Variants in TRABD2B observed in about 807,000 individuals in gnomAD.
TRABD2B encodes the protein TraB domain containing 2B.
In TRABD2B, 14 loss-of-function variants were observed where a neutral mutation model predicts 40.1. The observed-to-expected ratio is 0.35, with a 90% confidence interval of 0.23 to 0.55. The LOEUF (loss-of-function observed/expected upper bound fraction) is 0.55. Ranked by LOEUF, TRABD2B falls within the 20% of genes least tolerant of loss-of-function variation. TRABD2B has a pLI of 0.90. For synonymous variants in TRABD2B, 263 were observed against 277.0 expected, an observed-to-expected ratio of 0.95 and a Z score of 0.50; for missense variants, 541 against 648.6, an observed-to-expected ratio of 0.83 and a Z score of 1.80.
At chr1:47,823,349 G>C (rs1404143983) in intron 2 of TRABD2B, among the ~76,000 whole-genome samples, 1 of 152,264 alleles carries the variant, frequency 6.6e-6, no homozygotes, top group Non-Finnish European at 1.5e-5. Context: ...GTTCGTGCCT[G>C]GGTCACTGAC....
intron 2 of TRABD2B, among the ~76,000 whole-genome samples, chr1:47,851,989 T>C (rs1645555870): frequency 6.6e-6 from 1 of 152,166 alleles, no homozygotes; most frequent in Non-Finnish European, 1.5e-5. Context: ...CAAATGTCTA[T>C]GAAATGACAA....
Position 47,859,561 on chromosome 1 carries a change from C to T in TRABD2B, c.667-57942G>A, listed in dbSNP as rs192460269. Among the ~76,000 whole-genome samples the T allele has an allele frequency of 1.7e-3, 266 of 152,372 alleles. 1 individual carries two copies. The highest frequency in any genetic ancestry group is 6.1e-3 in the African/African-American group (252 of 41,584). On this transcript the variant is annotated intron_variant, in intron 2 of 6. Transcript: ENST00000606738. Reference sequence around the variant, plus strand: ...TTCAGAAGTCTTTCTGCAGCAGCCCCTTTCTGGCCTGACCCTGGAGTTTGG... The same window carrying T: ...TTCAGAAGTCTTTCTGCAGCAGCCCTTTTCTGGCCTGACCCTGGAGTTTGG...
chr1:47,938,067 T>A (rs1645137695), intron 2 of TRABD2B, among the ~76,000 whole-genome samples: 1 of 152,210 alleles, frequency 6.6e-6, no homozygotes, highest in South Asian at 2.1e-4. Context: ...AATTACATAT[T>A]GTAGCCACCA....
At chr1:47,936,039 G>C (rs1645102389) in intron 2 of TRABD2B, among the ~76,000 whole-genome samples, 1 of 152,194 alleles carries the variant, frequency 6.6e-6, no homozygotes, top group South Asian at 2.1e-4. Flanking sequence ...GTAAACAGAA[G>C]AACATATGGG....
In TRABD2B at chr1:47,975,436, A is replaced by G. The variant is rs116400577; in HGVS notation, c.666+18598T>C. ...TACTAGAAAACAGACGAATTCCTGA[A>G]GTCTGTTAAGCACTGTCTGGGTCAT... On this transcript the variant is annotated intron_variant, in intron 2 of 6. Coordinates refer to ENST00000606738, the MANE Select transcript of TRABD2B (RefSeq NM_001194986.2). Among the ~76,000 whole-genome samples, 247 of 152,358 alleles carry G rather than the reference A, an allele frequency of 1.6e-3. 1 individual carries two copies. Among genetic ancestry groups the G allele is most frequent in the African/African-American group, 5.4e-3 (225 of 41,580 alleles).
rs1319164979 is a variant in TRABD2B at position 47,801,620 on chromosome 1, C to T, written c.667-1G>A. On this transcript the variant is annotated splice_acceptor_variant, in intron 2 of 6. Coordinates refer to ENST00000606738, the MANE Select transcript of TRABD2B (RefSeq NM_001194986.2). LOFTEE classifies it high-confidence loss of function. ...GGGTTTGGTTCAGGGCAAACAGCAC[C>T]TGGGCCGAGGAAAGAGAGAGGAATG... 2 of 1,535,370 alleles carry T rather than the reference C, an allele frequency of 1.3e-6. No homozygotes were observed. The highest frequency in any genetic ancestry group is 2.4e-5 in the East Asian group (1 of 40,916).
intron 2 of TRABD2B, chr1:47,819,869 T>C (rs1172514918): frequency 6.7e-6 from 1 of 149,430 alleles, no homozygotes; most frequent in Non-Finnish European, 1.5e-5. Context: ...CCAGAGACAC[T>C]GGGGTAAATT....
intron 2 of TRABD2B, among the ~76,000 whole-genome samples, chr1:47,805,710 C>T (rs139020027): frequency 2.6e-5 from 4 of 152,194 alleles, no homozygotes; most frequent in Admixed American, 6.5e-5. Context: ...ACCAGGATTA[C>T]GATGTTTATT....
At chr1:47,807,085 G>A (rs535059602) in intron 2 of TRABD2B, among the ~76,000 whole-genome samples, 2 of 152,212 alleles carry the variant, frequency 1.3e-5, no homozygotes, top group African/African-American at 4.8e-5. Context: ...TGCTAGAGGG[G>A]TAAAGTGAGA....
intron 2 of TRABD2B, among the ~76,000 whole-genome samples, chr1:47,854,341 G>A (rs1207927920): frequency 6.6e-6 from 1 of 152,176 alleles, no homozygotes; most frequent in Non-Finnish European, 1.5e-5. Flanking sequence ...TGCAGCCCCT[G>A]TTCTCTTCCT....
intron 2 of TRABD2B, among the ~76,000 whole-genome samples, chr1:47,840,179 G>A (rs1177728201): frequency 6.6e-6 from 1 of 152,178 alleles, no homozygotes; most frequent in Non-Finnish European, 1.5e-5. Flanking sequence ...CTATCATGTA[G>A]GGACTGGGGA....
chr1:47,895,733 G>T (rs1173538752), intron 2 of TRABD2B, among the ~76,000 whole-genome samples: 1 of 152,244 alleles, frequency 6.6e-6, no homozygotes, highest in Non-Finnish European at 1.5e-5. Flanking sequence ...GACAGTGCCA[G>T]AAAGCCCTTG....
intron 6 of TRABD2B, among the ~76,000 whole-genome samples, chr1:47,774,438 T>A (rs1644415954): frequency 6.6e-6 from 1 of 152,122 alleles, no homozygotes; most frequent in South Asian, 2.1e-4. Context: ...ATATGGAGAC[T>A]CCTGCCAAAA....
chr1:47,979,859 T>C (rs1645815903), intron 2 of TRABD2B, among the ~76,000 whole-genome samples: 1 of 152,088 alleles, frequency 6.6e-6, no homozygotes, highest in South Asian at 2.1e-4. Flanking sequence ...CAGTCCTGAG[T>C]TCCTGTCCCA....
At chr1:47,968,371 C>T (rs1039197885) in intron 2 of TRABD2B, among the ~76,000 whole-genome samples, 1 of 152,198 alleles carries the variant, frequency 6.6e-6, no homozygotes, top group Non-Finnish European at 1.5e-5. Flanking sequence ...CCCTACTACT[C>T]AAGTCCCCAA....
intron 2 of TRABD2B, among the ~76,000 whole-genome samples, chr1:47,899,056 C>G (rs1248334447): frequency 1.3e-5 from 2 of 152,360 alleles, no homozygotes; most frequent in Admixed American, 6.5e-5. Context: ...CAAGTGCCCA[C>G]TGAGTCTTTC....
At chr1:47,804,041 C>G (rs1273814945) in intron 2 of TRABD2B, among the ~76,000 whole-genome samples, 1 of 152,198 alleles carries the variant, frequency 6.6e-6, no homozygotes. Flanking sequence ...GCAACAGGGC[C>G]AAGCGTGTGC....
rs190698567 is a variant in TRABD2B at position 47,797,282 on chromosome 1, T to A, written c.814-2522A>T. ...AGCACTGTGCCTGGCACAAAGGAAG[T>A]CCTGAATCAATGTCAGCTATTACAC... On this transcript the variant is annotated intron_variant, in intron 3 of 6. Transcript: ENST00000606738. 7.2e-5 allele frequency among the ~76,000 whole-genome samples: 11 copies of A among 152,342 alleles called. No homozygotes were observed. In the East Asian group the frequency reaches 2.1e-3, roughly 29 times the overall value.
chr1:47,875,358 G>C (rs1378731337), intron 2 of TRABD2B, among the ~76,000 whole-genome samples: 1 of 151,192 alleles, frequency 6.6e-6, no homozygotes, highest in Non-Finnish European at 1.5e-5. Context: ...AAGCTAAAAA[G>C]TCCTAGATTT....
Sources: gnomAD v4.1 joint callset for allele counts (sites outside exome capture counted in the v4.1 genomes callset) on GRCh38, gnomAD v4.1.1 for gene constraint, MANE v1.5 for transcripts, NCBI Gene and HGNC (gene_info 2026-07-23, HGNC 2026-07-21) for gene names.